Variants in UNC80 observed in about 807,000 individuals in gnomAD.
UNC80 encodes protein unc-80 homolog.
UNC80 carries 164 observed loss-of-function variants against 384.6 expected under a neutral mutation model. That is an observed-to-expected ratio of 0.43 (90% CI 0.38 to 0.49). The LOEUF (loss-of-function observed/expected upper bound fraction) is 0.49. Ranked by LOEUF, UNC80 falls within the 20% of genes least tolerant of loss-of-function variation. The pLI, the probability that UNC80 is intolerant of heterozygous loss-of-function variation, is 0.00. For synonymous variants in UNC80, 1,486 were observed against 1,527.8 expected, an observed-to-expected ratio of 0.97 and a Z score of 0.64; for missense variants, 3,330 against 4,143.0, an observed-to-expected ratio of 0.80 and a Z score of 5.39.
chr2:209,883,416 C>A (rs1057150200), intron 25 of UNC80, among the ~76,000 whole-genome samples: 1 of 150,794 alleles, frequency 6.6e-6, no homozygotes, highest in Non-Finnish European at 1.5e-5. Flanking sequence ...CTGGCAACCA[C>A]CATTCCACTC....
chr2:209,865,264 T>G (rs2083647689), intron 22 of UNC80, among the ~76,000 whole-genome samples: 1 of 151,982 alleles, frequency 6.6e-6, no homozygotes, highest in African/African-American at 2.4e-5. Context: ...CGAACGCTGC[T>G]GTTTCTAGTC....
intron 61 of UNC80, among the ~76,000 whole-genome samples, chr2:209,985,650 C>G (rs1187708644): frequency 6.6e-6 from 1 of 152,210 alleles, no homozygotes; most frequent in East Asian, 1.9e-4. Flanking sequence ...AGATAAACCA[C>G]GTCAAACATT....
At chr2:209,814,924 C>CTGCTT (rs2079622069) in intron 8 of UNC80, among the ~76,000 whole-genome samples, 1 of 151,924 alleles carries the variant, frequency 6.6e-6, no homozygotes, top group South Asian at 2.1e-4. Context: ...AAGTGGATAT[C>CTGCTT]TGCTTTACTG....
At chr2:209,924,606 C>T (rs1324395021) in intron 35 of UNC80, among the ~76,000 whole-genome samples, 1 of 151,998 alleles carries the variant, frequency 6.6e-6, no homozygotes, top group African/African-American at 2.4e-5. Flanking sequence ...TGTGCACAAC[C>T]TTGTACATAT....
chr2:209,992,492 T>C (rs146596870), intron 62 of UNC80, among the ~76,000 whole-genome samples: 2 of 152,278 alleles, frequency 1.3e-5, no homozygotes, highest in Non-Finnish European at 2.9e-5. Context: ...TTAAAGTTTA[T>C]ATTTTGCATT....
At chr2:209,781,288 C>A (rs2153824916) in intron 4 of UNC80, among the ~76,000 whole-genome samples, 1 of 152,246 alleles carries the variant, frequency 6.6e-6, no homozygotes, top group South Asian at 2.1e-4. Context: ...TCTTTGTCTC[C>A]ATTTTACCAA....
chr2:209,803,855 C>A (rs1306902996), intron 7 of UNC80, among the ~76,000 whole-genome samples: 2 of 152,114 alleles, frequency 1.3e-5, no homozygotes, highest in African/African-American at 4.8e-5. Context: ...GCCACAGCCT[C>A]CCAAGTGGAT....
chr2:209,991,843 A>T (rs2093397792), intron 61 of UNC80, among the ~76,000 whole-genome samples: 1 of 152,198 alleles, frequency 6.6e-6, no homozygotes, highest in Non-Finnish European at 1.5e-5. Context: ...CCTTGGAAAA[A>T]AAATTGAGAT....
chr2:209,957,126 A>G (rs1420955619), intron 48 of UNC80, among the ~76,000 whole-genome samples: 1 of 152,226 alleles, frequency 6.6e-6, no homozygotes, highest in East Asian at 1.9e-4. Context: ...GACTTATAAG[A>G]TACTAACTTA....
intron 61 of UNC80, among the ~76,000 whole-genome samples, chr2:209,991,736 G>T (rs1174326828): frequency 1.3e-5 from 2 of 152,058 alleles, no homozygotes; most frequent in African/African-American, 2.4e-5. Flanking sequence ...TTCGATATTT[G>T]TCCATCTTAT....
Position 209,912,590 on chromosome 2 carries a change from T to C in UNC80, c.4813T>C (p.Ser1605Pro). Residue 1605 changes from serine to proline, a missense_variant, in exon 30 of 65, where the codon TCT becomes CCT. Physicochemically the swap from Ser to Pro is moderately conservative, Grantham distance 74. Coordinates refer to ENST00000673920, the MANE Select transcript of UNC80 (RefSeq NM_001371986.1). ...AGATAAGTCATGCCTGAGGACACCTTCTCTAAAGAAGAGAGTTTCAGATGC... is the reference window on the plus strand; with the variant it reads ...AGATAAGTCATGCCTGAGGACACCTCCTCTAAAGAAGAGAGTTTCAGATGC... ...CSDKSCLRTP[S>P]LKKRVSDANL... is the part of the protein sequence containing the mutation. The C allele has an allele frequency of 6.4e-7, 1 of 1,551,500 alleles. No individual in the cohort carries two copies. The highest frequency in any genetic ancestry group is 8.7e-7 in the Non-Finnish European group (1 of 1,146,822).
intron 10 of UNC80, 137 bp downstream of exon 10, chr2:209,817,262 T>A: frequency 1.4e-6 from 1 of 719,820 alleles, no homozygotes; most frequent in Non-Finnish European, 2.3e-6. Context: ...GGTTCTCCAG[T>A]ACCAAAATAA....
chr2:209,955,738 T>TATACAC (rs1437539911), intron 48 of UNC80, among the ~76,000 whole-genome samples: 57 of 53,512 alleles, frequency 1.1e-3, no homozygotes, highest in Non-Finnish European at 1.4e-3. Context: ...TATATATATA[T>TATACAC]ACACACACAC....
intron 26 of UNC80, among the ~76,000 whole-genome samples, chr2:209,893,770 C>T (rs1430176024): frequency 6.6e-6 from 1 of 152,110 alleles, no homozygotes; most frequent in Non-Finnish European, 1.5e-5. Context: ...AAGGGGTTTA[C>T]GTGACAGCTT....
At chr2:209,793,573 G>A in intron 6 of UNC80, 147 bp from the exon 7 acceptor site, 1 of 849,538 alleles carries the variant, frequency 1.2e-6, no homozygotes. Flanking sequence ...AAATCCCTTG[G>A]CCCATAATAT....
chr2:209,792,941 A>G (rs1439081250), intron 6 of UNC80, among the ~76,000 whole-genome samples: 1 of 152,206 alleles, frequency 6.6e-6, no homozygotes, highest in Admixed American at 6.5e-5. Flanking sequence ...AAAGAATTTT[A>G]TGGTCAACTT....
At chr2:209,772,747 C>A (rs1396369355) in intron 1 of UNC80, among the ~76,000 whole-genome samples, 1 of 152,116 alleles carries the variant, frequency 6.6e-6, no homozygotes, top group Non-Finnish European at 1.5e-5. Flanking sequence ...ATATTAGATT[C>A]TGGAAATTAT....
At chr2:209,903,731 A>G (rs1210959202) in intron 28 of UNC80, among the ~76,000 whole-genome samples, 1 of 146,240 alleles carries the variant, frequency 6.8e-6, no homozygotes, top group Non-Finnish European at 1.5e-5. Context: ...ATTACCACAA[A>G]TTTAGTGGCT....
chr2:209,849,671 C>A, intron 22 of UNC80, 48 bp downstream of exon 22: 1 of 1,526,618 alleles, frequency 6.6e-7, no homozygotes. Context: ...TCCCAAGTAG[C>A]ACTATTAACA....
Sources: allele counts gnomAD v4.1 joint callset (sites outside exome capture counted in the v4.1 genomes callset), GRCh38; gene constraint gnomAD v4.1.1; transcripts MANE v1.5; gene names NCBI Gene and HGNC (gene_info 2026-07-23, HGNC 2026-07-21).